SUGCT: variants seen among roughly 807,000 people sequenced by gnomAD.
SUGCT encodes succinyl-CoA:glutarate-CoA transferase.
Under a neutral mutation model 55.0 loss-of-function variants are expected in SUGCT, and 41 were observed. The observed-to-expected ratio is 0.74, with a 90% CI of 0.58 to 0.97. The LOEUF (loss-of-function observed/expected upper bound fraction) is 0.97, where lower values mean the gene tolerates loss of function less well. Among genes scored for constraint, SUGCT ranks in the 50% least tolerant of loss-of-function variants. The probability of loss-of-function intolerance (pLI) is 0.00; values close to 1 mark genes in which losing one functional copy is unlikely to be tolerated. For synonymous variants in SUGCT, 187 were observed against 200.4 expected (o/e 0.93, Z 0.56); for missense variants, 568 against 547.8 (o/e 1.04, Z -0.37).
At chr7:40,678,452 C>T (rs1170854642) in intron 12 of SUGCT, among the ~76,000 whole-genome samples, 1 of 152,044 alleles carries the variant, frequency 6.6e-6, no homozygotes, top group African/African-American at 2.4e-5. Context: ...TTCCCTTTTT[C>T]ACCAGAAAAA....
At position 40,573,219 on chromosome 7, in the gene SUGCT, A is replaced by G. The variant is rs114403563; in HGVS notation, c.1089+76833A>G. Among the ~76,000 whole-genome samples, 913 of 152,274 alleles carry G rather than the reference A, an allele frequency of 6.0e-3. 12 individuals carry two copies. Among genetic ancestry groups the G allele is most frequent in the African/African-American group, 0.021 (859 of 41,544 alleles). ...TTCTGAAATGGTCCTGTATCATCCA[A>G]CCAATACAGCAAATCTGTTACTTTT... On this transcript the variant is annotated intron_variant, in intron 12 of 13. Coordinates refer to ENST00000335693, the MANE Select transcript of SUGCT (RefSeq NM_001193313.2).
chr7:40,946,273 CAAA>C, the SUGCT span, among the ~76,000 whole-genome samples: 142 of 152,116 alleles, frequency 9.3e-4, no homozygotes, highest in African/African-American at 3.3e-3. Flanking sequence ...ACAGACCTCT[CAAA>C]AATTTCTGTC....
chr7:40,749,437 T>C lies in SUGCT; in HGVS notation c.1093T>C (p.Leu365=). The change falls in exon 13 of 14, where the codon TTA becomes CTA. Residue 365 remains leucine (L), a synonymous_variant. Transcript: ENST00000335693. ...MKNVFAEPQV[L]HNGLVMEMEH... ...CTCTCTGTTTTTGCCTTTTCAGGTATTACACAATGGCCTCGTTATGGAGAT... is the reference window on the plus strand; with the variant it reads ...CTCTCTGTTTTTGCCTTTTCAGGTACTACACAATGGCCTCGTTATGGAGAT... 6.2e-7 allele frequency: 1 copy of C among 1,613,544 alleles called. No homozygotes were observed. The highest frequency in any genetic ancestry group is 2.2e-5 in the East Asian group (1 of 44,852).
chr7:40,348,167 TG>T (rs1797424408), intron 9 of SUGCT, among the ~76,000 whole-genome samples: 1 of 152,204 alleles, frequency 6.6e-6, no homozygotes, highest in African/African-American at 2.4e-5. Flanking sequence ...ACTTACAGAC[TG>T]GGGTAATTAT....
At chr7:40,682,787 T>G (rs1396198522) in intron 12 of SUGCT, among the ~76,000 whole-genome samples, 1 of 152,172 alleles carries the variant, frequency 6.6e-6, no homozygotes, top group African/African-American at 2.4e-5. Context: ...AGTTTTTGTT[T>G]GATTTACATA....
At chr7:40,832,419 A>G (rs1160934794) in intron 13 of SUGCT, among the ~76,000 whole-genome samples, 2 of 152,170 alleles carry the variant, frequency 1.3e-5, no homozygotes, top group African/African-American at 4.8e-5. Context: ...ACCAAGAATT[A>G]CGTAATAGGA....
At chr7:40,180,798 T>C in intron 1 of SUGCT, 149 bp from the exon 2 acceptor site, 2 of 604,106 alleles carry the variant, frequency 3.3e-6, no homozygotes, top group South Asian at 4.9e-5. Context: ...GAGCTTCCAG[T>C]ATTCTTTACT....
intron 11 of SUGCT, among the ~76,000 whole-genome samples, chr7:40,470,140 C>T (rs528396850): frequency 7.1e-4 from 108 of 152,154 alleles, no homozygotes; most frequent in Admixed American, 2.1e-3. Flanking sequence ...GACCTTATTT[C>T]GCTCTTGACT....
intron 9 of SUGCT, among the ~76,000 whole-genome samples, chr7:40,415,304 G>A (rs1365439808): frequency 4.7e-5 from 7 of 148,130 alleles, no homozygotes; most frequent in African/African-American, 1.5e-4. Flanking sequence ...CACATAATGT[G>A]TAAAAAAAAT....
intron 12 of SUGCT, among the ~76,000 whole-genome samples, chr7:40,497,291 G>A (rs1475272748): frequency 6.6e-6 from 1 of 152,126 alleles, no homozygotes; most frequent in Non-Finnish European, 1.5e-5. Flanking sequence ...TGAGGGAGGA[G>A]ACCTTTGTTG....
At chr7:40,635,398 CAG>C (rs1441979170) in intron 12 of SUGCT, among the ~76,000 whole-genome samples, 3 of 151,652 alleles carry the variant, frequency 2.0e-5, no homozygotes, top group East Asian at 1.9e-4. Context: ...AGAAGAGCAT[CAG>C]GGGATGAACT....
At chr7:40,588,545 G>C (rs17171741) in intron 12 of SUGCT, among the ~76,000 whole-genome samples, 3,938 of 152,180 alleles carry the variant, frequency 0.026, 181 homozygotes, top group African/African-American at 0.087. Context: ...CATTTCTAAC[G>C]ATTAGAGTTT....
chr7:40,785,353 A>G (rs558311305), intron 13 of SUGCT: 5 of 152,176 alleles, frequency 3.3e-5, no homozygotes, highest in African/African-American at 4.8e-5. Flanking sequence ...CAGTAACCCA[A>G]TCCTTACAGT....
At chr7:40,943,279 T>C in the SUGCT span, among the ~76,000 whole-genome samples, 140 of 151,202 alleles carry the variant, frequency 9.3e-4, no homozygotes, top group Middle Eastern at 6.9e-3. Context: ...TTATTATTAT[T>C]ATTATTATTT....
At chr7:40,564,015 T>C (rs1795991427) in intron 12 of SUGCT, among the ~76,000 whole-genome samples, 1 of 152,146 alleles carries the variant, frequency 6.6e-6, no homozygotes, top group African/African-American at 2.4e-5. Flanking sequence ...TATCTAGAAG[T>C]AAACATACCA....
intron 5 of SUGCT, among the ~76,000 whole-genome samples, chr7:40,192,163 C>G (rs956926207): frequency 6.6e-6 from 1 of 150,814 alleles, no homozygotes; most frequent in African/African-American, 2.4e-5. Flanking sequence ...CCATTTAGGC[C>G]TTGGTGGCTA....
chr7:40,468,042 G>A (rs2151464444), intron 11 of SUGCT, among the ~76,000 whole-genome samples: 1 of 148,384 alleles, frequency 6.7e-6, no homozygotes, highest in East Asian at 2.0e-4. Context: ...CACTTGTTCT[G>A]CGTTGTGGGT....
chr7:40,366,601 G>A lies in SUGCT; in HGVS notation c.816+49746G>A, dbSNP rs371327092. ...CAAACAATCCCATCAAAAAGTGGGC[G>A]AAGGATATGAACAGACACTTCTCAA... is the stretch of plus-strand genomic sequence containing the variant. On this transcript the variant is annotated intron_variant, in intron 9 of 13. Coordinates refer to ENST00000335693, the MANE Select transcript of SUGCT (RefSeq NM_001193313.2). 2.4e-3 allele frequency among the ~76,000 whole-genome samples: 368 copies of A among 152,196 alleles called. 12 individuals are homozygous for A. The South Asian group carries it at 0.059, about 24-fold the overall frequency.
chr7:40,196,823 G>T (rs1219718703), intron 6 of SUGCT, among the ~76,000 whole-genome samples: 2 of 151,982 alleles, frequency 1.3e-5, no homozygotes, highest in Admixed American at 1.3e-4. Context: ...CATGATAGGG[G>T]TTCCACAGCC....
Sources: allele counts gnomAD v4.1 joint callset (sites outside exome capture counted in the v4.1 genomes callset), GRCh38; gene constraint gnomAD v4.1.1; transcripts MANE v1.5; gene names NCBI Gene and HGNC (gene_info 2026-07-23, HGNC 2026-07-21).